The following CCDC192 variants were observed in gnomAD, a reference collection of about 807,000 sequenced individuals.
CCDC192 encodes coiled-coil domain-containing protein 192.
At chr5:127,832,873 G>A (rs1211592643) in intron 5 of CCDC192, among the ~76,000 whole-genome samples, 1 of 152,116 alleles carries the variant, frequency 6.6e-6, no homozygotes, top group African/African-American at 2.4e-5. Context: ...TCTACTGTGG[G>A]TTATCTTGGG....
chr5:127,709,026 C>T, intron 2 of CCDC192, among the ~76,000 whole-genome samples: 1 of 151,380 alleles, frequency 6.6e-6, no homozygotes, highest in South Asian at 2.1e-4. Context: ...TTGGCTTCTG[C>T]TACTGGGGAG....
At chr5:127,754,107 G>A (rs1034944725) in intron 2 of CCDC192, among the ~76,000 whole-genome samples, 161 bp from the exon 3 acceptor site, 11 of 151,934 alleles carry the variant, frequency 7.2e-5, no homozygotes, top group African/African-American at 2.4e-4. Flanking sequence ...AAAACATTTT[G>A]CTGTTTTATT....
intron 3 of CCDC192, among the ~76,000 whole-genome samples, chr5:127,763,488 C>T (rs1755045351): frequency 6.6e-6 from 1 of 152,126 alleles, no homozygotes; most frequent in East Asian, 1.9e-4. Flanking sequence ...CATTATGGCC[C>T]TTGTTTAATG....
chr5:127,791,841 A>G (rs539586105), intron 3 of CCDC192, among the ~76,000 whole-genome samples: 4 of 152,234 alleles, frequency 2.6e-5, no homozygotes, highest in Non-Finnish European at 5.9e-5. Flanking sequence ...CATAAGAAAA[A>G]GAAGACACTG....
At chr5:127,881,707 T>C (rs1227675630) in intron 6 of CCDC192, among the ~76,000 whole-genome samples, 1 of 152,240 alleles carries the variant, frequency 6.6e-6, no homozygotes, top group African/African-American at 2.4e-5. Context: ...AGCCCCTTTA[T>C]TACAAAACTG....
In CCDC192 at chr5:127,840,572, A is replaced by T. The variant is rs564668330; in HGVS notation, c.412-34966A>T. ...GAACAGAATAAAGACAAGTACAAAA[A>T]TGAAGGTGTGGTAAAATTATTTTAT... On this transcript the variant is annotated intron_variant, in intron 5 of 6. Transcript: ENST00000514853. 1.2e-4 allele frequency among the ~76,000 whole-genome samples: 19 copies of T among 152,106 alleles called. 1 individual carries two copies. The South Asian group carries it at 3.5e-3, about 28-fold the overall frequency.
chr5:127,787,564 T>C (rs1303926188), intron 3 of CCDC192, among the ~76,000 whole-genome samples: 1 of 152,244 alleles, frequency 6.6e-6, no homozygotes, highest in Non-Finnish European at 1.5e-5. Context: ...GATTTTTAGC[T>C]TTATTCTCTA....
chr5:127,732,905 C>T (rs1752723656), intron 2 of CCDC192, among the ~76,000 whole-genome samples: 1 of 151,866 alleles, frequency 6.6e-6, no homozygotes, highest in Non-Finnish European at 1.5e-5. Flanking sequence ...GGGCTTAATA[C>T]CGAGGTGATG....
At chr5:127,889,567 A>G (rs1011418164) in intron 6 of CCDC192, among the ~76,000 whole-genome samples, 15 of 152,054 alleles carry the variant, frequency 9.9e-5, no homozygotes, top group African/African-American at 2.7e-4. Context: ...ACGCCCTGCT[A>G]ATTTTTGAAT....
At chr5:127,797,630 T>C (rs1757230294) in intron 4 of CCDC192, among the ~76,000 whole-genome samples, 1 of 150,952 alleles carries the variant, frequency 6.6e-6, no homozygotes, top group African/African-American at 2.4e-5. Context: ...GATTAATCTC[T>C]GAATATCTGA....
chr5:127,737,823 A>T (rs1281630039), intron 2 of CCDC192, among the ~76,000 whole-genome samples: 7 of 151,660 alleles, frequency 4.6e-5, no homozygotes, highest in Admixed American at 6.6e-5. Context: ...CCTATGTGTG[A>T]CTCTGCACGT....
At chr5:127,785,585 T>C (rs759118230) in intron 3 of CCDC192, 52 of 165,316 alleles carry the variant, frequency 3.1e-4, no homozygotes, top group Non-Finnish European at 5.5e-4. Context: ...AAAATTGACA[T>C]GGTTACTGGC....
At chr5:127,785,112 G>A in intron 3 of CCDC192, 1 of 519,732 alleles carries the variant, frequency 1.9e-6, no homozygotes, top group Non-Finnish European at 3.9e-6. Flanking sequence ...ACTGAAGCAG[G>A]ATTGCCGTCT....
At chr5:127,752,655 C>T (rs1043670237) in intron 2 of CCDC192, among the ~76,000 whole-genome samples, 23 of 152,340 alleles carry the variant, frequency 1.5e-4, no homozygotes, top group South Asian at 1.0e-3. Context: ...TTAGAGCTTC[C>T]GGGCTGCTTT....
At chr5:127,811,942 G>A (rs1179251417) in intron 5 of CCDC192, among the ~76,000 whole-genome samples, 1 of 152,142 alleles carries the variant, frequency 6.6e-6, no homozygotes, top group Non-Finnish European at 1.5e-5. Context: ...AAATTCTTGA[G>A]TATAAACTGC....
At chr5:127,777,398 T>C (rs1182373574) in intron 3 of CCDC192, among the ~76,000 whole-genome samples, 1 of 152,162 alleles carries the variant, frequency 6.6e-6, no homozygotes, top group Non-Finnish European at 1.5e-5. Context: ...GTACACCCCT[T>C]GTATCTAGGA....
chr5:127,843,520 C>T (rs1004876714), intron 5 of CCDC192, among the ~76,000 whole-genome samples: 4 of 151,696 alleles, frequency 2.6e-5, no homozygotes, highest in Admixed American at 2.6e-4. Context: ...TTACTACAAC[C>T]TCTACCTCCC....
intron 3 of CCDC192, among the ~76,000 whole-genome samples, chr5:127,784,186 A>G (rs1210062261): frequency 6.6e-6 from 1 of 152,118 alleles, no homozygotes; most frequent in Non-Finnish European, 1.5e-5. Context: ...AATTTTCTTT[A>G]TTTTCACACA....
chr5:127,910,951 A>AT (rs1397980893), intron 6 of CCDC192, among the ~76,000 whole-genome samples: 3 of 152,110 alleles, frequency 2.0e-5, no homozygotes, highest in African/African-American at 4.8e-5. Context: ...TTTATTAGAC[A>AT]TAAAAAAAAA....
Sources: allele counts gnomAD v4.1 joint callset (sites outside exome capture counted in the v4.1 genomes callset), GRCh38; gene constraint gnomAD v4.1.1; transcripts MANE v1.5; gene names NCBI Gene and HGNC (gene_info 2026-07-23, HGNC 2026-07-21).